SRRM4: variants seen among roughly 807,000 people sequenced by gnomAD.
SRRM4 encodes the protein serine/arginine repetitive matrix protein 4.
Under a neutral mutation model 68.9 loss-of-function variants are expected in SRRM4, and 33 were observed. The ratio of observed to expected loss-of-function variants is 0.48; its 90% CI spans 0.36 to 0.64. The LOEUF is 0.64. SRRM4 is among the 30% of genes least tolerant of loss of function. The probability of loss-of-function intolerance (pLI) is 0.00; values close to 1 mark genes in which losing one functional copy is unlikely to be tolerated. For synonymous variants in SRRM4, 318 were observed against 318.8 expected, an observed-to-expected ratio of 1.00 and a Z score of 0.03; for missense variants, 817 against 827.1, an observed-to-expected ratio of 0.99 and a Z score of 0.15.
intron 9 of SRRM4, among the ~76,000 whole-genome samples, chr12:119,146,478 C>T (rs922742104): frequency 4.0e-5 from 6 of 151,706 alleles, no homozygotes; most frequent in East Asian, 1.9e-4. Context: ...CCCAGCTACT[C>T]GGGAGGCTGA....
Position 118,981,802 on chromosome 12 carries a change from G to C in SRRM4, c.-81G>C. On this transcript the variant is annotated 5_prime_UTR_variant, in exon 1 of 13. Coordinates refer to ENST00000267260, the MANE Select transcript of SRRM4 (RefSeq NM_194286.4). ...GGGTTTCACCCGGACAGAGCCGGGA[G>C]CTGGGTGTCGCCCCCGTTTGGAATC... The C allele has an allele frequency of 6.6e-7, 1 of 1,511,024 alleles. No homozygotes were observed. The highest frequency in any genetic ancestry group is 1.3e-5 in the South Asian group (1 of 77,102). The allele number at this position is 1,511,024 out of a possible 1,614,324, so 93.6% of individuals were successfully genotyped here.
intron 1 of SRRM4, among the ~76,000 whole-genome samples, chr12:119,075,186 C>T (rs1953900480): frequency 6.6e-6 from 1 of 152,190 alleles, no homozygotes; most frequent in African/African-American, 2.4e-5. Context: ...TGAGGTTCAT[C>T]ATTTTGGATC....
Position 119,125,405 on chromosome 12 carries a change from T to TCACCGC in SRRM4, c.549_554dup (p.Arg184_His185dup), listed in dbSNP as rs1165263422. The TCACCGC allele has an allele frequency of 6.2e-7, 1 of 1,613,038 alleles. No homozygotes were observed. Among genetic ancestry groups the TCACCGC allele is most frequent in the Admixed American group, 1.7e-5 (1 of 59,948 alleles). ...GATCTCGAAGCCGGCCCCGAAAGTC[T>TCACCGC]CACCGCCACCGCCATCACCGCTGCC... On this transcript the variant is annotated inframe_insertion, in exon 7 of 13. Transcript: ENST00000267260.
intron 1 of SRRM4, among the ~76,000 whole-genome samples, chr12:119,025,265 T>C (rs1953540691): frequency 6.6e-6 from 1 of 151,804 alleles, no homozygotes; most frequent in Non-Finnish European, 1.5e-5. Flanking sequence ...AACACCAGTA[T>C]GTAAGGGGAG....
chr12:119,017,293 AC>A (rs1953487889), intron 1 of SRRM4, among the ~76,000 whole-genome samples: 1 of 152,224 alleles, frequency 6.6e-6, no homozygotes, highest in Non-Finnish European at 1.5e-5. Context: ...CCATCTTGAA[AC>A]TGACACACAT....
In SRRM4 at chr12:119,154,052, C is replaced by T. The variant is rs138704216; in HGVS notation, c.1392-191C>T. 6.8e-3 allele frequency among the ~76,000 whole-genome samples: 1,039 copies of T among 152,112 alleles called. 12 individuals are homozygous for T. Among genetic ancestry groups the T allele is most frequent in the African/African-American group, 0.021 (873 of 41,470 alleles). The stretch of plus-strand genomic sequence containing the variant: ...TGCACAAGCCCAGCCCCCACCCCTA[C>T]GGTACTAACAACCCTCGCAGACTCT... On this transcript the variant is annotated intron_variant, in intron 11 of 12. Coordinates refer to ENST00000267260, the MANE Select transcript of SRRM4 (RefSeq NM_194286.4). This position sits in a 1 kb window ranked among gnomAD's most constrained non-coding sequence, Gnocchi z 4.7.
intron 2 of SRRM4, among the ~76,000 whole-genome samples, chr12:119,108,398 T>C (rs1410268745): frequency 6.6e-6 from 1 of 152,204 alleles, no homozygotes; most frequent in African/African-American, 2.4e-5. Flanking sequence ...TTGATCTGTC[T>C]AATGTTGACA....
rs573398157 is a variant in SRRM4 at position 119,139,167 on chromosome 12, C to T, written c.772-6214C>T. On this transcript the variant is annotated intron_variant, in intron 8 of 12. Transcript: ENST00000267260. The stretch of plus-strand genomic sequence containing the variant: ...GAGAACCATCCTGTTGTATCAATGT[C>T]GGAGGGGGGTGACTGTTTGCACCTT... Among the ~76,000 whole-genome samples the T allele has an allele frequency of 5.9e-4, 90 of 152,254 alleles. 1 individual carries two copies. In the Middle Eastern group the frequency reaches 0.024, roughly 40 times the overall value.
chr12:119,098,381 G>T (rs1391598602), intron 1 of SRRM4, among the ~76,000 whole-genome samples: 1 of 152,216 alleles, frequency 6.6e-6, no homozygotes, highest in East Asian at 1.9e-4. Context: ...CCCTTTCTAA[G>T]ATTCCATTCC....
At position 119,150,916 on chromosome 12, in the gene SRRM4, T is replaced by C. The variant is rs144450336; in HGVS notation, c.1077-101T>C. 42 of 1,064,150 alleles carry C rather than the reference T, an allele frequency of 3.9e-5. 1 individual carries two copies. In the Admixed American group the frequency reaches 8.0e-4, roughly 20 times the overall value. 65.9% of individuals were successfully genotyped at this position (1,064,150 alleles called of 1,614,324 possible). A position where few individuals can be genotyped will look rare whatever the true frequency, so the allele number is the denominator to read the frequency against. On this transcript the variant is annotated intron_variant, in intron 9 of 12. Transcript: ENST00000267260. ...ATGGGAAAAGGGGCAAAGAGGGTTC[T>C]ATGAGAGCACCACAGCCTAGGCCAA...
intron 1 of SRRM4, among the ~76,000 whole-genome samples, chr12:119,008,976 A>AG (rs939384684): frequency 2.0e-5 from 3 of 151,910 alleles, no homozygotes; most frequent in African/African-American, 7.3e-5. Flanking sequence ...ATTGCCACCG[A>AG]GGGAAATCTG....
At chr12:119,008,304 C>T (rs1953427808) in intron 1 of SRRM4, among the ~76,000 whole-genome samples, 1 of 150,430 alleles carries the variant, frequency 6.6e-6, no homozygotes. Flanking sequence ...TCCAGGAAAT[C>T]GAGGCTACAG....
intron 12 of SRRM4, among the ~76,000 whole-genome samples, chr12:119,155,967 T>C (rs1954468726): frequency 6.6e-6 from 1 of 152,228 alleles, no homozygotes; most frequent in Admixed American, 6.5e-5. Context: ...TAATTCATCT[T>C]GATTAACCCA....
intron 1 of SRRM4, among the ~76,000 whole-genome samples, chr12:119,012,894 C>A (rs1953459046): frequency 6.6e-6 from 1 of 152,112 alleles, no homozygotes; most frequent in South Asian, 2.1e-4. Context: ...CAGACAGACC[C>A]AATTACCCTC....
intron 1 of SRRM4, among the ~76,000 whole-genome samples, chr12:119,083,710 T>C (rs56130317): frequency 0.32 from 48,326 of 152,062 alleles, 7,865 homozygotes; most frequent in African/African-American, 0.34. Flanking sequence ...CATTTGCTGG[T>C]CAGCTGGTGC....
At chr12:119,148,499 A>G (rs755128409) in intron 9 of SRRM4, among the ~76,000 whole-genome samples, 10 of 152,358 alleles carry the variant, frequency 6.6e-5, no homozygotes, top group Non-Finnish European at 1.2e-4. Context: ...TAATAACGGC[A>G]GTTCATATTC....
intron 1 of SRRM4, chr12:118,989,715 C>G (rs1473939814): frequency 6.6e-6 from 1 of 152,232 alleles, no homozygotes; most frequent in Non-Finnish European, 1.5e-5. Context: ...TAATTCATGT[C>G]TACGTGTGTC....
chr12:119,075,075 C>A (rs1164744334), intron 1 of SRRM4, among the ~76,000 whole-genome samples: 1 of 152,162 alleles, frequency 6.6e-6, no homozygotes, highest in Non-Finnish European at 1.5e-5. Flanking sequence ...AGGCCAGTGT[C>A]CCTTCTGTAA....
intron 4 of SRRM4, among the ~76,000 whole-genome samples, chr12:119,119,231 A>T (rs1299657147): frequency 1.3e-5 from 2 of 152,108 alleles, no homozygotes; most frequent in East Asian, 3.9e-4. Context: ...TGTACCCCAG[A>T]ACTTAGAATA....
Sources: gnomAD v4.1 joint callset for allele counts (sites outside exome capture counted in the v4.1 genomes callset) on GRCh38, gnomAD v4.1.1 for gene constraint, Gnocchi (gnomAD v3.1) non-coding constraint, MANE v1.5 for transcripts, NCBI Gene and HGNC (gene_info 2026-07-23, HGNC 2026-07-21) for gene names.